Variants in HMGN1 observed in about 807,000 individuals in gnomAD.
HMGN1 encodes the protein non-histone chromosomal protein HMG-14.
A neutral mutation model predicts 18.4 loss-of-function variants in HMGN1; 9 were observed. The ratio of observed to expected loss-of-function variants is 0.49; its 90% CI spans 0.29 to 0.85. HMGN1 has a LOEUF of 0.85. HMGN1 is among the 40% of genes least tolerant of loss of function. HMGN1 has a pLI of 0.07. For missense variants in HMGN1, 151 were observed against 119.2 expected (o/e 1.27, Z -1.24); for synonymous variants, 59 against 45.0 (o/e 1.31, Z -1.24).
chr21:39,348,871 G>T, intron 1 of HMGN1, 32 bp downstream of exon 1: 7 of 1,112,038 alleles, frequency 6.3e-6, no homozygotes, highest in Non-Finnish European at 7.7e-6. Context: ...GGCGGCTCCA[G>T]GGGGCGTGTG....
chr21:39,346,593 A>C (rs1438565070), intron 4 of HMGN1: 1 of 152,652 alleles, frequency 6.6e-6, no homozygotes, highest in Non-Finnish European at 1.5e-5. Flanking sequence ...AAGTTTCCCA[A>C]AGTATAATGT....
intron 4 of HMGN1, chr21:39,347,426 T>C (rs953564780): frequency 1.0e-5 from 13 of 1,283,320 alleles, no homozygotes; most frequent in Non-Finnish European, 7.2e-6. Context: ...AACTCCTCAA[T>C]GTCAAGGAAA....
At chr21:39,348,085 C>T (rs1341162507) in intron 4 of HMGN1, 1 of 893,920 alleles carries the variant, frequency 1.1e-6, no homozygotes, top group African/African-American at 1.7e-5. Flanking sequence ...AGTCTCCTAA[C>T]ATCTGCAGCA....
At chr21:39,345,810 C>T (rs1569006319) in intron 4 of HMGN1, 1 of 1,296,920 alleles carries the variant, frequency 7.7e-7, no homozygotes, top group Non-Finnish European at 1.0e-6. Flanking sequence ...GACCTTAACC[C>T]TCACATTAAG....
At chr21:39,348,720 C>T in intron 1 of HMGN1, 143 bp from the exon 2 acceptor site, 1 of 1,164,080 alleles carries the variant, frequency 8.6e-7, no homozygotes, top group Non-Finnish European at 1.1e-6. Flanking sequence ...CTCCCCCGGC[C>T]GCCAAACGTT....
rs2037023599 is a variant in HMGN1 at position 39,345,622 on chromosome 21, A to G, written c.127-348T>C. Reference sequence around the variant, plus strand: ...GTACTTGCATGTCAAGCCTCATTAGACATATGACAAATCCTAAAGCCCGAG... The same window carrying G: ...GTACTTGCATGTCAAGCCTCATTAGGCATATGACAAATCCTAAAGCCCGAG... On this transcript the variant is annotated intron_variant, in intron 4 of 5. Coordinates refer to ENST00000380749, the MANE Select transcript of HMGN1 (RefSeq NM_004965.7). 7 of 390,922 alleles carry G rather than the reference A, an allele frequency of 1.8e-5. No individual in the cohort carries two copies. In the Admixed American group the frequency reaches 2.5e-4, roughly 14 times the overall value. The allele number at this position is 390,922 out of a possible 1,614,324, so 24.2% of individuals were successfully genotyped here.
intron 4 of HMGN1, chr21:39,345,564 A>G: frequency 2.1e-6 from 1 of 473,438 alleles, no homozygotes; most frequent in African/African-American, 2.0e-5. Flanking sequence ...CCCAGTAATC[A>G]GGAAAACAAT....
chr21:39,348,875 G>C (rs912175064), intron 1 of HMGN1, 28 bp downstream of exon 1: 1 of 1,120,358 alleles, frequency 8.9e-7, no homozygotes, highest in Non-Finnish European at 1.1e-6. Flanking sequence ...GCTCCAGGGG[G>C]CGTGTGCGGG....
rs942180990 is a variant in HMGN1, at chr21:39,348,701, C to A, written c.16-124G>T. ...GCTTCCCGCCGCCCCGTTCGAATAG[C>A]CCCCTCAGCTCCCCCGGCCGCCAAA... On this transcript the variant is annotated intron_variant, in intron 1 of 5. Coordinates refer to ENST00000380749, the MANE Select transcript of HMGN1 (RefSeq NM_004965.7). 5.7e-6 allele frequency: 7 copies of A among 1,234,496 alleles called. No individual in the cohort carries two copies. In the African/African-American group the frequency reaches 1.1e-4, roughly 19 times the overall value. The allele number at this position is 1,234,496 out of a possible 1,614,324, so 76.5% of individuals were successfully genotyped here.
At position 39,343,172 on chromosome 21, in the gene HMGN1, G is replaced by A; in HGVS notation, c.256-13C>T. ...CAGAGGCTGGACTCTGCAAAAGAAA[G>A]GAAATTGAGATCTTTAGCATTTAAC... is the stretch of plus-strand genomic sequence containing the variant. On this transcript the variant is annotated splice_polypyrimidine_tract_variant and intron_variant, in intron 5 of 5. Transcript: ENST00000380749. 6.3e-7 allele frequency: 1 copy of A among 1,587,884 alleles called. No homozygotes were observed. Among genetic ancestry groups the A allele is most frequent in the East Asian group, 2.2e-5 (1 of 44,452 alleles).
chr21:39,347,914 A>G, intron 4 of HMGN1: 2 of 1,047,974 alleles, frequency 1.9e-6, no homozygotes, highest in Non-Finnish European at 2.3e-6. Context: ...ATAAAAACTT[A>G]CACGTTCCCT....
Position 39,349,070 on chromosome 21 carries a change from G to T in HMGN1, c.-153C>A. 1 of 866,862 alleles carries T rather than the reference G, an allele frequency of 1.2e-6. No homozygotes were observed. The highest frequency in any genetic ancestry group is 1.5e-6 in the Non-Finnish European group (1 of 673,276). 53.7% of individuals were successfully genotyped at this position (866,862 alleles called of 1,614,324 possible). ...CCGAGCTGCTGAGACCCACAGCGGG[G>T]GCGGTGGGAGAACCGGATGGAACCG... On this transcript the variant is annotated 5_prime_UTR_variant, in exon 1 of 6. Transcript: ENST00000380749.
chr21:39,344,256 CAAAAAA>C (rs3067491), intron 5 of HMGN1, among the ~76,000 whole-genome samples: 82 of 113,498 alleles, frequency 7.2e-4, no homozygotes, highest in Admixed American at 8.7e-4. Context: ...AATTCCGTCT[CAAAAAA>C]AAAAAAAAAA....
rs912175064 is a variant in HMGN1, at chr21:39,348,875, G to A, written c.15+28C>T. 54 of 1,120,358 alleles carry A rather than the reference G, an allele frequency of 4.8e-5. No homozygotes were observed. The African/African-American group carries it at 5.2e-4, about 11-fold the overall frequency. 69.4% of individuals were successfully genotyped at this position (1,120,358 alleles called of 1,614,324 possible). ...GGGGCGCCGGCGGCGGCTCCAGGGG[G>A]CGTGTGCGGGCCGCGGCCGCCGCTC... is the stretch of plus-strand genomic sequence containing the variant. On this transcript the variant is annotated intron_variant, in intron 1 of 5. Coordinates refer to ENST00000380749, the MANE Select transcript of HMGN1 (RefSeq NM_004965.7).
At chr21:39,347,236 T>C (rs2776314) in intron 4 of HMGN1, 1 of 583,516 alleles carries the variant, frequency 1.7e-6, no homozygotes, top group Non-Finnish European at 2.3e-6. Context: ...TGAAAAATAC[T>C]ATTCTCATAC....
chr21:39,346,316 T>A (rs1335423586), intron 4 of HMGN1: 1 of 200,540 alleles, frequency 5.0e-6, no homozygotes, highest in Non-Finnish European at 1.0e-5. Flanking sequence ...TACTTCAACA[T>A]CCTTTGAGTA....
In HMGN1 at chr21:39,345,213, G is replaced by T. The variant is rs746557902; in HGVS notation, c.188C>A (p.Ala63Asp). 1.2e-6 allele frequency: 2 copies of T among 1,613,358 alleles called. No homozygotes were observed. The highest frequency in any genetic ancestry group is 1.7e-6 in the Non-Finnish European group (2 of 1,179,924). ...KGKRGAKGKQAEVANQETKED... is the reference protein window; with the variant it reads ...KGKRGAKGKQDEVANQETKED... The stretch of plus-strand genomic sequence containing the variant: ...TTTAGTTTCTTGGTTAGCCACTTCG[G>T]CCTGTTTTCCCTTTGCTCCCCTTTT... The change falls in exon 5 of 6, where the codon GCC (alanine) becomes GAC (aspartate). Residue 63 changes from alanine (A) to aspartate (D), a missense_variant. Transcript: ENST00000380749.
intron 4 of HMGN1, chr21:39,347,192 C>A: frequency 5.8e-6 from 2 of 347,052 alleles, no homozygotes; most frequent in South Asian, 7.7e-5. Flanking sequence ...CAGAGAATTA[C>A]CACATGGTCT....
chr21:39,345,032 G>T, intron 5 of HMGN1, 114 bp downstream of exon 5: 1 of 1,267,180 alleles, frequency 7.9e-7, no homozygotes, highest in Non-Finnish European at 1.0e-6. Context: ...ACAAAACTTT[G>T]TTCAATATTA....
Sources: gnomAD v4.1 joint callset for allele counts (sites outside exome capture counted in the v4.1 genomes callset) on GRCh38, gnomAD v4.1.1 for gene constraint, MANE v1.5 for transcripts, NCBI Gene and HGNC (gene_info 2026-07-23, HGNC 2026-07-21) for gene names.